The following MAPK9 variants were observed in gnomAD, a reference collection of about 807,000 sequenced individuals.
MAPK9 encodes mitogen-activated protein kinase 9.
A neutral mutation model predicts 57.1 loss-of-function variants in MAPK9; 30 were observed. The ratio of observed to expected loss-of-function variants is 0.53; its 90% CI spans 0.39 to 0.71. MAPK9 has a LOEUF of 0.71. Among genes scored for constraint, MAPK9 ranks in the 30% least tolerant of loss-of-function variants. The pLI is 0.00. For missense variants in MAPK9, 362 were observed against 521.0 expected (o/e 0.69, Z 2.97); for synonymous variants, 155 against 177.0 (o/e 0.88, Z 0.99).
intron 2 of MAPK9, 102 bp from the exon 3 acceptor site, chr5:180,269,511 A>AG: frequency 8.8e-7 from 1 of 1,141,678 alleles, no homozygotes; most frequent in Non-Finnish European, 1.3e-6. Context: ...ATAAGTAACA[A>AG]GGAAAAATCT....
intron 2 of MAPK9, among the ~76,000 whole-genome samples, chr5:180,275,764 C>A (rs1561838145): frequency 6.6e-6 from 1 of 152,318 alleles, no homozygotes; most frequent in African/African-American, 2.4e-5. Context: ...CATTTCATCT[C>A]TTCTTCATTG....
chr5:180,291,009 A>G (rs1763179035), intron 1 of MAPK9, among the ~76,000 whole-genome samples: 1 of 152,240 alleles, frequency 6.6e-6, no homozygotes, highest in Non-Finnish European at 1.5e-5. Context: ...GACTAAGGGA[A>G]GAAAGAGGGT....
At chr5:180,275,686 G>A (rs1175903837) in intron 2 of MAPK9, among the ~76,000 whole-genome samples, 2 of 152,192 alleles carry the variant, frequency 1.3e-5, no homozygotes, top group African/African-American at 2.4e-5. Flanking sequence ...CAGTGGGAAT[G>A]TTGGCAGAAA....
At chr5:180,283,962 TA>T (rs1762527902) in intron 1 of MAPK9, among the ~76,000 whole-genome samples, 1 of 152,054 alleles carries the variant, frequency 6.6e-6, no homozygotes, top group Non-Finnish European at 1.5e-5. Flanking sequence ...AAAATAATTA[TA>T]AAATTAAAAT....
At chr5:180,288,345 A>G (rs575005272) in intron 1 of MAPK9, among the ~76,000 whole-genome samples, 2 of 152,366 alleles carry the variant, frequency 1.3e-5, no homozygotes, top group East Asian at 3.9e-4. Context: ...GAAACTTAAA[A>G]GACGTATCAT....
intron 5 of MAPK9, 56 bp from the exon 6 acceptor site, chr5:180,249,194 C>A: frequency 6.6e-7 from 1 of 1,515,500 alleles, no homozygotes. Context: ...AAATAAACTA[C>A]TTCACATCCG....
rs35997361 is a variant in MAPK9, at chr5:180,264,145, T to C, written c.311+636A>G. 5.1e-3 allele frequency among the ~76,000 whole-genome samples: 778 copies of C among 152,292 alleles called. 9 individuals carry two copies. The highest frequency in any genetic ancestry group is 0.018 in the African/African-American group (756 of 41,560). On this transcript the variant is annotated intron_variant, in intron 4 of 11. Transcript: ENST00000452135. ...GATCCCCTGACCCAGCTCCACCCTT[T>C]GTCCACAGCACCTAGCACATTCTAA...
rs1219499885 is a variant in MAPK9, at chr5:180,247,042, C to T, written c.688+397G>A. 9.8e-6 allele frequency: 2 copies of T among 204,038 alleles called. No homozygotes were observed. Among genetic ancestry groups the T allele is most frequent in the Admixed American group, 5.4e-5 (1 of 18,614 alleles). The allele number at this position is 204,038 out of a possible 1,614,324, so 12.6% of individuals were successfully genotyped here. The stretch of plus-strand genomic sequence containing the variant: ...TACTTAATTAAAGCACACAAGCACA[C>T]TAGCCTATTAAATTTAGATAGCATC... On this transcript the variant is annotated intron_variant, in intron 7 of 11. Transcript: ENST00000452135. This position sits in a 1 kb window ranked among gnomAD's most constrained non-coding sequence, Gnocchi z 4.5.
At chr5:180,260,810 A>G (rs1374193761) in intron 5 of MAPK9, among the ~76,000 whole-genome samples, 1 of 152,152 alleles carries the variant, frequency 6.6e-6, no homozygotes, top group Non-Finnish European at 1.5e-5. Flanking sequence ...TACTGGCCTT[A>G]TTTGACAAGT....
At chr5:180,262,395 C>T (rs1760070921) in intron 4 of MAPK9, among the ~76,000 whole-genome samples, 1 of 151,990 alleles carries the variant, frequency 6.6e-6, no homozygotes, top group South Asian at 2.1e-4. Context: ...AGAGGTGTCT[C>T]ATGTGCTATC....
At chr5:180,265,022 T>C (rs940353168) in intron 3 of MAPK9, among the ~76,000 whole-genome samples, 183 bp from the exon 4 acceptor site, 5 of 152,238 alleles carry the variant, frequency 3.3e-5, no homozygotes, top group Admixed American at 6.5e-5. Context: ...AAAGGAAAGA[T>C]GCACTTTTAA....
At chr5:180,248,845 G>T in intron 6 of MAPK9, 128 bp downstream of exon 6, 1 of 817,964 alleles carries the variant, frequency 1.2e-6, no homozygotes, top group Non-Finnish European at 1.8e-6. Context: ...TCTGGATCAT[G>T]CTATATTCTG....
At chr5:180,273,765 G>A (rs1761574991) in intron 2 of MAPK9, among the ~76,000 whole-genome samples, 1 of 151,990 alleles carries the variant, frequency 6.6e-6, no homozygotes, top group Non-Finnish European at 1.5e-5. Context: ...TGCTCCACAG[G>A]CCACCACTGC....
chr5:180,273,518 C>T (rs980538825), intron 2 of MAPK9, among the ~76,000 whole-genome samples: 2 of 152,186 alleles, frequency 1.3e-5, no homozygotes, highest in Non-Finnish European at 2.9e-5. Context: ...TGAGCCACCA[C>T]ATCCAGCAGA....
chr5:180,286,360 G>A (rs1028629782), intron 1 of MAPK9, among the ~76,000 whole-genome samples: 1 of 150,930 alleles, frequency 6.6e-6, no homozygotes, highest in South Asian at 2.1e-4. Context: ...TAGCCAGGAT[G>A]GTCTCGATCT....
chr5:180,261,526 G>A (rs923009421), intron 5 of MAPK9, among the ~76,000 whole-genome samples, 158 bp downstream of exon 5: 1 of 152,222 alleles, frequency 6.6e-6, no homozygotes, highest in South Asian at 2.1e-4. Flanking sequence ...CGGCTCCACA[G>A]ATGCCTCCTA....
chr5:180,245,765 C>T (rs775409387), intron 7 of MAPK9, among the ~76,000 whole-genome samples: 1 of 152,138 alleles, frequency 6.6e-6, no homozygotes, highest in African/African-American at 2.4e-5. Context: ...CCGAGGTGGC[C>T]GGGCTAAAGC....
chr5:180,274,809 G>C (rs1020514228), intron 2 of MAPK9, among the ~76,000 whole-genome samples: 2 of 152,158 alleles, frequency 1.3e-5, no homozygotes, highest in African/African-American at 4.8e-5. Context: ...TGCAGCAATA[G>C]AAAACTAACA....
At chr5:180,256,739 TAA>T (rs1171152704) in intron 5 of MAPK9, among the ~76,000 whole-genome samples, 1 of 152,074 alleles carries the variant, frequency 6.6e-6, no homozygotes, top group African/African-American at 2.4e-5. Flanking sequence ...GGCTATTCCA[TAA>T]AAAAGGCCTG....
Sources: gnomAD v4.1 joint callset for allele counts (sites outside exome capture counted in the v4.1 genomes callset) on GRCh38, gnomAD v4.1.1 for gene constraint, Gnocchi (gnomAD v3.1) non-coding constraint, MANE v1.5 for transcripts, NCBI Gene and HGNC (gene_info 2026-07-23, HGNC 2026-07-21) for gene names.